MAGI2: variants seen among roughly 807,000 people sequenced by gnomAD.
MAGI2 encodes the protein membrane associated guanylate kinase, WW and PDZ domain containing 2, also known as membrane-associated guanylate kinase, WW and PDZ domain-containing protein 2.
Under a neutral mutation model 133.3 loss-of-function variants are expected in MAGI2, and 35 were observed. The ratio of observed to expected loss-of-function variants is 0.26; its 90% CI spans 0.20 to 0.35. The LOEUF is 0.35. Among genes scored for constraint, MAGI2 ranks in the 10% least tolerant of loss-of-function variants. The pLI, the probability that MAGI2 is intolerant of heterozygous loss-of-function variation, is 1.00. For missense variants in MAGI2, 1,636 were observed against 1,863.4 expected (o/e 0.88, Z 2.25); for synonymous variants, 729 against 710.6 (o/e 1.03, Z -0.41).
Position 79,120,844 on chromosome 7 carries a change from C to G in MAGI2, c.302-113638G>C, listed in dbSNP as rs201217107. The stretch of plus-strand genomic sequence containing the variant: ...ACTTTTCTCACCAAAGTATAAAAAC[C>G]GAAACTACTTCTCTCCCATTTATAT... On this transcript the variant is annotated intron_variant, in intron 1 of 21. Coordinates refer to ENST00000354212, the MANE Select transcript of MAGI2 (RefSeq NM_012301.4). Among the ~76,000 whole-genome samples, 10 of 152,022 alleles carry G rather than the reference C, an allele frequency of 6.6e-5. No individual in the cohort carries two copies. In the East Asian group the frequency reaches 1.9e-3, roughly 29 times the overall value.
intron 2 of MAGI2, among the ~76,000 whole-genome samples, chr7:78,749,728 A>C (rs915415018): frequency 6.6e-6 from 1 of 152,164 alleles, no homozygotes; most frequent in African/African-American, 2.4e-5. Context: ...AGGAAAGATT[A>C]AAAAAGACCT....
chr7:78,684,925 C>T (rs1816112842), intron 2 of MAGI2, among the ~76,000 whole-genome samples: 1 of 152,128 alleles, frequency 6.6e-6, no homozygotes, highest in Non-Finnish European at 1.5e-5. Flanking sequence ...AATGCCATTA[C>T]TATAATATTG....
At chr7:78,966,038 T>C (rs2115874315) in intron 2 of MAGI2, among the ~76,000 whole-genome samples, 1 of 152,196 alleles carries the variant, frequency 6.6e-6, no homozygotes, top group Non-Finnish European at 1.5e-5. Flanking sequence ...TTTCCCCAGA[T>C]GTTGGTGGCA....
chr7:79,176,882 T>TG, intron 1 of MAGI2: 1 of 55,560 alleles, frequency 1.8e-5, no homozygotes, highest in Non-Finnish European at 5.9e-5. Flanking sequence ...GCTAAATAGT[T>TG]GATCTGATCC....
chr7:78,783,929 T>C (rs1193923323), intron 2 of MAGI2, among the ~76,000 whole-genome samples: 1 of 152,250 alleles, frequency 6.6e-6, no homozygotes, highest in Non-Finnish European at 1.5e-5. Context: ...ACATATTTTA[T>C]TTAAAGAATA....
At chr7:78,127,504 C>T in intron 18 of MAGI2, 88 bp from the exon 19 acceptor site, 1 of 882,376 alleles carries the variant, frequency 1.1e-6, no homozygotes, top group Non-Finnish European at 1.8e-6. Flanking sequence ...GTGGGCCAGC[C>T]ATGACAGCTC....
At chr7:78,219,309 C>A (rs765783006) in intron 10 of MAGI2, among the ~76,000 whole-genome samples, 17 of 152,204 alleles carry the variant, frequency 1.1e-4, no homozygotes, top group Non-Finnish European at 2.2e-4. Flanking sequence ...GATTCCCTCA[C>A]TCATTCATTT....
chr7:78,643,835 T>G (rs1218859232), intron 2 of MAGI2, among the ~76,000 whole-genome samples: 1 of 151,838 alleles, frequency 6.6e-6, no homozygotes, highest in African/African-American at 2.4e-5. Flanking sequence ...GTTAAAGATG[T>G]GTAATAGAAA....
intron 1 of MAGI2, among the ~76,000 whole-genome samples, chr7:79,076,168 C>T (rs948784489): frequency 6.6e-6 from 1 of 152,220 alleles, no homozygotes; most frequent in Non-Finnish European, 1.5e-5. Flanking sequence ...ATCAAACTCA[C>T]TGACATAAAA....
chr7:78,629,707 T>C (rs1808757899), intron 2 of MAGI2, among the ~76,000 whole-genome samples: 1 of 113,816 alleles, frequency 8.8e-6, no homozygotes, highest in Non-Finnish European at 1.9e-5. Context: ...GGTAATTCTT[T>C]TATGTGTGTC....
intron 3 of MAGI2, among the ~76,000 whole-genome samples, chr7:78,553,681 A>G (rs1222138009): frequency 6.6e-6 from 1 of 152,222 alleles, no homozygotes; most frequent in African/African-American, 2.4e-5. Context: ...TAATATGCTC[A>G]ACAGTTCTGT....
At chr7:78,876,736 A>T (rs1475735895) in intron 2 of MAGI2, among the ~76,000 whole-genome samples, 1 of 152,228 alleles carries the variant, frequency 6.6e-6, no homozygotes, top group Non-Finnish European at 1.5e-5. Context: ...GCTGTTTGTT[A>T]TAGGACATTC....
intron 1 of MAGI2, among the ~76,000 whole-genome samples, chr7:79,055,285 C>CT (rs11421346): frequency 0.47 from 70,211 of 148,398 alleles, 18,648 homozygotes; most frequent in African/African-American, 0.75. Flanking sequence ...AAGGGCATGC[C>CT]TTTTTTTTTT....
At chr7:78,148,394 A>G (rs946298163) in intron 16 of MAGI2, among the ~76,000 whole-genome samples, 10 of 152,300 alleles carry the variant, frequency 6.6e-5, no homozygotes, top group African/African-American at 2.2e-4. Flanking sequence ...CAGCTGATTC[A>G]TTACAGCAGT....
intron 6 of MAGI2, chr7:78,486,771 C>T (rs568278228): frequency 3.8e-5 from 16 of 418,274 alleles, no homozygotes; most frequent in Admixed American, 8.2e-5. Flanking sequence ...GTGAGTTTGA[C>T]GTCAAGTTTG....
chr7:79,112,451 C>T (rs1332743431), intron 1 of MAGI2, among the ~76,000 whole-genome samples: 1 of 152,132 alleles, frequency 6.6e-6, no homozygotes, highest in African/African-American at 2.4e-5. Flanking sequence ...ATCTCTTCAA[C>T]TATAATGAAT....
At chr7:78,345,649 C>G (rs1022513656) in intron 8 of MAGI2, 39 of 381,888 alleles carry the variant, frequency 1.0e-4, no homozygotes, top group Middle Eastern at 1.5e-3. Flanking sequence ...ATGAATCTCT[C>G]AGTTTACAGT....
chr7:78,867,416 C>G (rs1367028719), intron 2 of MAGI2, among the ~76,000 whole-genome samples: 1 of 151,192 alleles, frequency 6.6e-6, no homozygotes, highest in Admixed American at 6.6e-5. Context: ...TGGAAATCAT[C>G]ATTCTCAGTA....
At chr7:78,648,315 A>C (rs1025655363) in intron 2 of MAGI2, among the ~76,000 whole-genome samples, 2 of 152,134 alleles carry the variant, frequency 1.3e-5, no homozygotes, top group African/African-American at 4.8e-5. Context: ...AAAATAAAAC[A>C]ATTTCTTCCC....
Sources: gnomAD v4.1 joint callset for allele counts (sites outside exome capture counted in the v4.1 genomes callset) on GRCh38, gnomAD v4.1.1 for gene constraint, MANE v1.5 for transcripts, NCBI Gene and HGNC (gene_info 2026-07-23, HGNC 2026-07-21) for gene names.